LMOD3: variants seen among roughly 807,000 people sequenced by gnomAD.
LMOD3 encodes the protein leiomodin 3.
In LMOD3, 31 loss-of-function variants were observed where a neutral mutation model predicts 41.8. That is an observed-to-expected ratio of 0.74 (90% confidence interval 0.56 to 1.00). The LOEUF is 1.00. Among genes scored for constraint, LMOD3 ranks in the 50% least tolerant of loss-of-function variants. The pLI, the probability that LMOD3 is intolerant of heterozygous loss-of-function variation, is 0.00. For missense variants in LMOD3, 755 were observed against 679.5 expected, an observed-to-expected ratio of 1.11 and a Z score of -1.23; for synonymous variants, 292 against 241.9, an observed-to-expected ratio of 1.21 and a Z score of -1.92.
Position 69,118,950 on chromosome 3 carries a change from T to C in LMOD3, c.1405A>G (p.Met469Val). 1 of 1,612,864 alleles carries C rather than the reference T, an allele frequency of 6.2e-7. No homozygotes were observed. Among genetic ancestry groups the C allele is most frequent in the Non-Finnish European group, 8.5e-7 (1 of 1,179,684 alleles). Residue 469 changes from methionine (M) to valine (V), a missense_variant, in exon 2 of 3, where the codon ATG (methionine) becomes GTG (valine). Met to Val is a conservative substitution (Grantham distance 21). Transcript: ENST00000420581. Reference protein sequence around the residue: ...NVPFSQRSEMMKKPSQAPKYR... With the variant: ...NVPFSQRSEMVKKPSQAPKYR... ...TTCGGGGCCTGCGATGGCTTTTTCA[T>C]CATTTCACTGCGTTGACTAAAGGGG...
chr3:69,112,209 G>C (rs966542270), intron 2 of LMOD3, among the ~76,000 whole-genome samples: 1 of 152,236 alleles, frequency 6.6e-6, no homozygotes, highest in Non-Finnish European at 1.5e-5. Flanking sequence ...GTGCTTGTGT[G>C]TGTGTGTGTG....
At chr3:69,116,047 G>A (rs1290250919) in intron 2 of LMOD3, among the ~76,000 whole-genome samples, 1 of 152,134 alleles carries the variant, frequency 6.6e-6, no homozygotes, top group Non-Finnish European at 1.5e-5. Flanking sequence ...AGAATTCTTT[G>A]TACTACTTTT....
Position 69,109,129 on chromosome 3 carries a change from T to G in LMOD3, c.1657-8A>C. The G allele has an allele frequency of 6.2e-7, 1 of 1,601,722 alleles. No homozygotes were observed. The highest frequency in any genetic ancestry group is 8.5e-7 in the Non-Finnish European group (1 of 1,173,906). The stretch of plus-strand genomic sequence containing the variant: ...TTCTTTTGGCAGTTGCACCTGCGAT[T>G]TAAGCATTTGAGGAAACGGGGGAAA... On this transcript the variant is annotated splice_polypyrimidine_tract_variant and splice_region_variant and intron_variant, in intron 2 of 2. Coordinates refer to ENST00000420581, the MANE Select transcript of LMOD3 (RefSeq NM_198271.5).
rs1189878827 is a variant in LMOD3, at chr3:69,117,339, T to C, written c.1656+1360A>G. 2.0e-5 allele frequency among the ~76,000 whole-genome samples: 3 copies of C among 152,328 alleles called. No individual in the cohort carries two copies. In the East Asian group the frequency reaches 5.8e-4, roughly 29 times the overall value. On this transcript the variant is annotated intron_variant, in intron 2 of 2. Coordinates refer to ENST00000420581, the MANE Select transcript of LMOD3 (RefSeq NM_198271.5). ...TGAAAGACTAGCAATTATTTCAGAA[T>C]ATCAAGCTCTTTAAAGCAGAAAAAG...
chr3:69,120,562 A>G (rs938534749), intron 1 of LMOD3, among the ~76,000 whole-genome samples: 2 of 151,790 alleles, frequency 1.3e-5, no homozygotes, highest in African/African-American at 4.8e-5. Flanking sequence ...AGAACATAAC[A>G]TAATGTATGG....
rs777138311 is a variant in LMOD3 at position 69,119,593 on chromosome 3, G to A, written c.762C>T (p.Asp254=). ...TGTTGTTCAGGTTGAGTTCCTTCAT[G>A]TCAGGATCATTTTTCCTAACTCTCC... is the stretch of plus-strand genomic sequence containing the variant. ...SLRRVRKNDP[D]MKELNLNNIE... Residue 254 remains aspartate, a synonymous_variant, in exon 2 of 3, where the codon GAC becomes GAT. Transcript: ENST00000420581. 1.2e-6 allele frequency: 2 copies of A among 1,613,608 alleles called. No individual in the cohort carries two copies.
intron 2 of LMOD3, among the ~76,000 whole-genome samples, chr3:69,114,618 A>T (rs1257312831): frequency 6.6e-6 from 1 of 151,016 alleles, no homozygotes; most frequent in African/African-American, 2.4e-5. Context: ...AGTGATTCTC[A>T]TACCTCAGCC....
Position 69,118,823 on chromosome 3 carries a change from A to T in LMOD3, c.1532T>A (p.Leu511His). 1 of 1,606,318 alleles carries T rather than the reference A, an allele frequency of 6.2e-7. No individual in the cohort carries two copies. The highest frequency in any genetic ancestry group is 8.5e-7 in the Non-Finnish European group (1 of 1,177,576). Residue 511 changes from leucine (L) to histidine (H), a missense_variant, in exon 2 of 3, where the codon CTC (leucine) becomes CAC (histidine). Leu to His is a moderately conservative substitution (Grantham distance 99). Coordinates refer to ENST00000420581, the MANE Select transcript of LMOD3 (RefSeq NM_198271.5). ...EAREPPEKTNLKDVIKTLKPV... is the reference protein window; with the variant it reads ...EAREPPEKTNHKDVIKTLKPV... ...CTTGAGCGTTTTGATGACATCTTTG[A>T]GGTTGGTTTTCTCGGGTGGTTCTCT...
In LMOD3 at chr3:69,122,503, C is replaced by T. The variant is rs548258514; in HGVS notation, c.-117G>A. 6 of 767,828 alleles carry T rather than the reference C, an allele frequency of 7.8e-6. No homozygotes were observed. In the East Asian group the frequency reaches 1.1e-4, roughly 14 times the overall value. 47.6% of individuals were successfully genotyped at this position (767,828 alleles called of 1,614,324 possible). ...TTAACGAGTGTCCCAAGTTAACACA[C>T]CCTTGAGATATTTTTTTTTTTTTCC... is the stretch of plus-strand genomic sequence containing the variant. On this transcript the variant is annotated 5_prime_UTR_variant, in exon 1 of 3. In the 5' UTR this introduces an upstream ATG that the reference lacks. Transcript: ENST00000420581.
At chr3:69,111,740 C>A (rs1167833284) in intron 2 of LMOD3, among the ~76,000 whole-genome samples, 1 of 151,930 alleles carries the variant, frequency 6.6e-6, no homozygotes, top group Non-Finnish European at 1.5e-5. Context: ...CATGCCCAGC[C>A]CAGAATAATA....
rs184539454 is a variant in LMOD3, at chr3:69,107,666, G to A, written c.*1429C>T. On this transcript the variant is annotated 3_prime_UTR_variant, in exon 3 of 3. Coordinates refer to ENST00000420581, the MANE Select transcript of LMOD3 (RefSeq NM_198271.5). ...TAATTTTTGTATTTTTAATAGAGAC[G>A]GGGTTTCACCATGTTGGCCAGGCTG... 2.0e-5 allele frequency: 3 copies of A among 151,184 alleles called. No individual in the cohort carries two copies. Among genetic ancestry groups the A allele is most frequent in the Non-Finnish European group, 2.9e-5 (2 of 67,826 alleles). 9.4% of individuals were successfully genotyped at this position (151,184 alleles called of 1,614,324 possible).
rs1559662183 is a variant in LMOD3 at position 69,119,785 on chromosome 3, CTG to C, written c.568_569del (p.Gln190GlyfsTer3). ...GTTCTTTGAATGCTTTGTCAGTTAC[CTG>C]CTGGCAGTTGTTCTCACAATTTCTA... ...QIRNCENNCQ[Q>X]VTDKAFKEQR... On this transcript the variant is annotated frameshift_variant, in exon 2 of 3. Coordinates refer to ENST00000420581, the MANE Select transcript of LMOD3 (RefSeq NM_198271.5). LOFTEE classifies it high-confidence loss of function. The C allele has an allele frequency of 6.2e-7, 1 of 1,610,776 alleles. No individual in the cohort carries two copies. The highest frequency in any genetic ancestry group is 1.1e-5 in the South Asian group (1 of 90,778).
chr3:69,119,666 A>G lies in LMOD3; in HGVS notation c.689T>C (p.Val230Ala), dbSNP rs1458350202. 1 of 1,613,856 alleles carries G rather than the reference A, an allele frequency of 6.2e-7. No individual in the cohort carries two copies. The highest frequency in any genetic ancestry group is 1.1e-5 in the South Asian group (1 of 91,076). Residue 230 changes from valine (V) to alanine (A), a missense_variant, in exon 2 of 3, where the codon GTA becomes GCA. Physicochemically the swap from Val to Ala is moderately conservative, Grantham distance 64. Transcript: ENST00000420581. ...CTGGTTTCCTGAAGGCCTTGTACTTACCTTCAAAAAGCTGGTGTCTAGAGC... is the reference window on the plus strand; with the variant it reads ...CTGGTTTCCTGAAGGCCTTGTACTTGCCTTCAAAAAGCTGGTGTCTAGAGC... ...KLALDTSFLKVSTRPSGNQTD... is the reference protein window; with the variant it reads ...KLALDTSFLKASTRPSGNQTD...
chr3:69,109,648 C>A (rs2092338953), intron 2 of LMOD3, among the ~76,000 whole-genome samples: 5 of 151,596 alleles, frequency 3.3e-5, no homozygotes, highest in African/African-American at 1.2e-4. Flanking sequence ...CTGCCTCAGC[C>A]TCCCAAGTAG....
intron 1 of LMOD3, among the ~76,000 whole-genome samples, chr3:69,121,018 G>A (rs2092404709): frequency 6.6e-6 from 1 of 152,110 alleles, no homozygotes; most frequent in African/African-American, 2.4e-5. Flanking sequence ...ACAGTGACAA[G>A]TCACCTTAAC....
Position 69,106,481 on chromosome 3 carries a change from C to G in LMOD3, c.*2614G>C, listed in dbSNP as rs936403309. Among the ~76,000 whole-genome samples, 7 of 152,220 alleles carry G rather than the reference C, an allele frequency of 4.6e-5. No homozygotes were observed. Among genetic ancestry groups the G allele is most frequent in the Middle Eastern group, 3.4e-3 (1 of 294 alleles). On this transcript the variant is annotated 3_prime_UTR_variant, in exon 3 of 3. Coordinates refer to ENST00000420581, the MANE Select transcript of LMOD3 (RefSeq NM_198271.5). ...TTTAAAAACAAGCTAAAATCTGCAA[C>G]TAAGATCTTTAGGGTTGGGTGGTAG...
Position 69,122,565 on chromosome 3 carries a change from A to G in LMOD3, c.-179T>C. The G allele has an allele frequency of 5.2e-6, 3 of 572,518 alleles. No individual in the cohort carries two copies. Among genetic ancestry groups the G allele is most frequent in the Non-Finnish European group, 9.2e-6 (3 of 326,072 alleles). The allele number at this position is 572,518 out of a possible 1,614,324, so 35.5% of individuals were successfully genotyped here. Reference sequence around the variant, plus strand: ...GTGGTTTGCTGAGCAGCTAGGAGTGATCACAGCTAAGCTCTTGCCGGATCT... The same window carrying G: ...GTGGTTTGCTGAGCAGCTAGGAGTGGTCACAGCTAAGCTCTTGCCGGATCT... On this transcript the variant is annotated 5_prime_UTR_variant, in exon 1 of 3. Coordinates refer to ENST00000420581, the MANE Select transcript of LMOD3 (RefSeq NM_198271.5).
rs1438938354 is a variant in LMOD3 at position 69,107,056 on chromosome 3, G to A, written c.*2039C>T. On this transcript the variant is annotated 3_prime_UTR_variant, in exon 3 of 3. Transcript: ENST00000420581. ...TTAAGCTTTTAATTATGTTTAAAGT[G>A]CTTTTCCTATCAGAGTTTAGCCTCT... 1 of 151,676 alleles carries A rather than the reference G, an allele frequency of 6.6e-6. No homozygotes were observed. The highest frequency in any genetic ancestry group is 2.4e-5 in the African/African-American group (1 of 41,252). 9.4% of individuals were successfully genotyped at this position (151,676 alleles called of 1,614,324 possible). A position where few individuals can be genotyped will look rare whatever the true frequency, so the allele number is the denominator to read the frequency against.
In LMOD3 at chr3:69,108,918, C is replaced by T; in HGVS notation, c.*177G>A. On this transcript the variant is annotated 3_prime_UTR_variant, in exon 3 of 3. Coordinates refer to ENST00000420581, the MANE Select transcript of LMOD3 (RefSeq NM_198271.5). The stretch of plus-strand genomic sequence containing the variant: ...TATCTCCTTCCACCTTCCTCTTCAG[C>T]CCCTACTTCTTCATGGCCCAAACAT... The T allele has an allele frequency of 1.9e-6, 1 of 529,860 alleles. No individual in the cohort carries two copies. The highest frequency in any genetic ancestry group is 3.3e-6 in the Non-Finnish European group (1 of 301,710). The allele number at this position is 529,860 out of a possible 1,614,324, so 32.8% of individuals were successfully genotyped here. A position where few individuals can be genotyped will look rare whatever the true frequency, so the allele number is the denominator to read the frequency against.
Sources: gnomAD v4.1 joint callset for allele counts (sites outside exome capture counted in the v4.1 genomes callset) on GRCh38, gnomAD v4.1.1 for gene constraint, MANE v1.5 for transcripts, NCBI Gene and HGNC (gene_info 2026-07-23, HGNC 2026-07-21) for gene names.